CSNK1G2: variants seen among roughly 807,000 people sequenced by gnomAD.
CSNK1G2 encodes the protein casein kinase 1 gamma 2.
CSNK1G2 carries 11 observed loss-of-function variants against 48.0 expected under a neutral mutation model. The observed-to-expected ratio is 0.23, with a 90% CI of 0.14 to 0.38. The LOEUF (loss-of-function observed/expected upper bound fraction) is 0.38. Among genes scored for constraint, CSNK1G2 ranks in the 10% least tolerant of loss-of-function variants. CSNK1G2 has a pLI of 1.00. For missense variants in CSNK1G2, 446 were observed against 595.5 expected, an observed-to-expected ratio of 0.75 and a Z score of 2.61; for synonymous variants, 337 against 254.1, an observed-to-expected ratio of 1.33 and a Z score of -3.10.
intron 2 of CSNK1G2, among the ~76,000 whole-genome samples, chr19:1,973,594 G>A (rs1047489294): frequency 3.3e-5 from 5 of 152,198 alleles, no homozygotes; most frequent in East Asian, 1.9e-4. Context: ...GCTGTTTTCC[G>A]TCTGCCTCTG....
In CSNK1G2 at chr19:1,947,466, G is replaced by A. The variant is rs555016896; in HGVS notation, c.-266+6048G>A. Among the ~76,000 whole-genome samples, 30 of 152,382 alleles carry A rather than the reference G, an allele frequency of 2.0e-4. No homozygotes were observed. The South Asian group carries it at 5.4e-3, about 27-fold the overall frequency. ...CGGCAGTTGTGCCCCTCGGGCTTCT[G>A]CTCCAGTGGTCCTGGGGCAGGGCAG... On this transcript the variant is annotated intron_variant, in intron 1 of 11. Transcript: ENST00000255641.
rs528421549 is a variant in CSNK1G2 at position 1,946,262 on chromosome 19, A to G, written c.-266+4844A>G. Among the ~76,000 whole-genome samples the G allele has an allele frequency of 2.0e-4, 25 of 127,384 alleles. No homozygotes were observed. The South Asian group carries it at 6.2e-3, about 32-fold the overall frequency. The allele number at this position is 127,384 out of a possible 152,430, so 83.6% of individuals were successfully genotyped here. A position where few individuals can be genotyped will look rare whatever the true frequency, so the allele number is the denominator to read the frequency against. On this transcript the variant is annotated intron_variant, in intron 1 of 11. Coordinates refer to ENST00000255641, the MANE Select transcript of CSNK1G2 (RefSeq NM_001319.7). ...GGCCAGGGCTGGCCCATCACTATTT[A>G]TTCGTTTATTTATTTATTTATTTAT...
At position 1,979,788 on chromosome 19, in the gene CSNK1G2, T is replaced by G; in HGVS notation, c.1039T>G (p.Ser347Ala). Reference protein sequence around the residue: ...PIGTVHTDLPSQPQLRDKTQP... With the variant: ...PIGTVHTDLPAQPQLRDKTQP... ...CGGCACCGTCCACACCGACCTGCCC[T>G]CCCAGCCTCAGCTCCGGGACAAAAC... Residue 347 changes from serine to alanine, a missense_variant, in exon 10 of 12, where the codon TCC (serine) becomes GCC (alanine). Around this residue, in one of 2 missense-constraint regions of CSNK1G2, gnomAD observed 188 missense variants for 179.6 expected, o/e 1.05. Transcript: ENST00000255641. The G allele has an allele frequency of 6.2e-7, 1 of 1,607,122 alleles. No individual in the cohort carries two copies. The highest frequency in any genetic ancestry group is 8.5e-7 in the Non-Finnish European group (1 of 1,178,778).
chr19:1,975,111 C>T, intron 2 of CSNK1G2: 1 of 985,458 alleles, frequency 1.0e-6, no homozygotes, highest in Non-Finnish European at 1.2e-6. Context: ...TTCCACAGTG[C>T]AGAGTAGAAG....
At chr19:1,947,271 C>T (rs1455877017) in intron 1 of CSNK1G2, among the ~76,000 whole-genome samples, 1 of 152,206 alleles carries the variant, frequency 6.6e-6, no homozygotes, top group Non-Finnish European at 1.5e-5. Context: ...GATGGCCAGT[C>T]CTCTCGCCTT....
intron 2 of CSNK1G2, among the ~76,000 whole-genome samples, chr19:1,974,478 A>G (rs1470773260): frequency 6.6e-6 from 1 of 152,144 alleles, no homozygotes; most frequent in East Asian, 1.9e-4. Flanking sequence ...TTCCCAACAC[A>G]TGACCCTTGG....
chr19:1,958,710 TCCC>T (rs2015087400), intron 1 of CSNK1G2, among the ~76,000 whole-genome samples: 2 of 19,108 alleles, frequency 1.0e-4, no homozygotes, highest in Non-Finnish European at 1.8e-4. Context: ...TCAGGCACTG[TCCC>T]CCCTCCCCTC....
intron 1 of CSNK1G2, chr19:1,954,800 C>T (rs1035489628): frequency 6.6e-6 from 1 of 152,220 alleles, no homozygotes; most frequent in African/African-American, 2.4e-5. Context: ...GCAATCCCCT[C>T]GTTGGCGCCC....
chr19:1,944,250 A>G (rs2014471899), intron 1 of CSNK1G2, among the ~76,000 whole-genome samples: 1 of 151,924 alleles, frequency 6.6e-6, no homozygotes, highest in African/African-American at 2.4e-5. Flanking sequence ...CAGCCACACG[A>G]GAGAACCTGT....
intron 2 of CSNK1G2, among the ~76,000 whole-genome samples, chr19:1,970,395 G>A (rs1394505561): frequency 6.6e-6 from 1 of 152,230 alleles, no homozygotes; most frequent in African/African-American, 2.4e-5. Flanking sequence ...CTGTTCTGTG[G>A]TGATGATACT....
chr19:1,941,580 A>G (rs1753863979), intron 1 of CSNK1G2, among the ~76,000 whole-genome samples, 162 bp downstream of exon 1: 1 of 134,628 alleles, frequency 7.4e-6, no homozygotes, highest in African/African-American at 2.8e-5. Context: ...AACCCGTCTA[A>G]CCGCCCCGCA....
intron 1 of CSNK1G2, among the ~76,000 whole-genome samples, chr19:1,952,355 C>T (rs2014796793): frequency 6.6e-6 from 1 of 151,682 alleles, no homozygotes; most frequent in African/African-American, 2.4e-5. Flanking sequence ...CAGAGTCTTG[C>T]TCTGTCGCTC....
intron 1 of CSNK1G2, among the ~76,000 whole-genome samples, chr19:1,949,757 G>A (rs1470536766): frequency 1.3e-5 from 2 of 152,168 alleles, no homozygotes; most frequent in Admixed American, 6.5e-5. Flanking sequence ...TCTGCACAGC[G>A]ACGACCACTC....
chr19:1,944,057 G>A (rs965568605), intron 1 of CSNK1G2, among the ~76,000 whole-genome samples: 3 of 152,142 alleles, frequency 2.0e-5, no homozygotes, highest in African/African-American at 7.2e-5. Context: ...GGCCTGGCCC[G>A]AGTCCTGGTT....
At chr19:1,975,188 C>T (rs2015711215) in intron 2 of CSNK1G2, 2 of 985,490 alleles carry the variant, frequency 2.0e-6, no homozygotes, top group South Asian at 9.4e-5. Flanking sequence ...CAAGACGCTG[C>T]CAAGAGCATG....
intron 1 of CSNK1G2, among the ~76,000 whole-genome samples, chr19:1,946,294 T>TTTA (rs1555678395): frequency 6.7e-6 from 1 of 148,388 alleles, no homozygotes; most frequent in African/African-American, 2.5e-5. Context: ...TTATTTTTTA[T>TTTA]TTATTTATTT....
At chr19:1,944,790 C>G (rs1200603639) in intron 1 of CSNK1G2, among the ~76,000 whole-genome samples, 1 of 152,150 alleles carries the variant, frequency 6.6e-6, no homozygotes, top group Admixed American at 6.5e-5. Context: ...TGCGGGCAGC[C>G]CTGCAGCGGG....
At chr19:1,971,177 C>G (rs1435272227) in intron 2 of CSNK1G2, among the ~76,000 whole-genome samples, 1 of 152,346 alleles carries the variant, frequency 6.6e-6, no homozygotes, top group East Asian at 1.9e-4. Context: ...ATGAGTCAAG[C>G]AGCTTCTCCC....
chr19:1,965,255 C>T (rs982443967), intron 1 of CSNK1G2, among the ~76,000 whole-genome samples: 2 of 150,230 alleles, frequency 1.3e-5, no homozygotes, highest in African/African-American at 2.4e-5. Flanking sequence ...TGGTGGCGGG[C>T]GCCTTTAGTC....
Sources: gnomAD v4.1 joint callset for allele counts (sites outside exome capture counted in the v4.1 genomes callset) on GRCh38, gnomAD v4.1.1 for gene constraint, gnomAD v4.1.1 regional missense constraint, MANE v1.5 for transcripts, NCBI Gene and HGNC (gene_info 2026-07-23, HGNC 2026-07-21) for gene names.